The following BRINP3 variants were observed in gnomAD, a reference collection of about 807,000 sequenced individuals.
BRINP3 encodes the protein BMP/retinoic acid-inducible neural-specific protein 3.
Under a neutral mutation model 71.0 loss-of-function variants are expected in BRINP3, and 19 were observed. The ratio of observed to expected loss-of-function variants is 0.27; its 90% CI spans 0.19 to 0.39. The LOEUF is 0.39. BRINP3 is among the 10% of genes least tolerant of loss of function. BRINP3 has a pLI of 1.00. For synonymous variants in BRINP3, 380 were observed against 337.7 expected (o/e 1.13, Z -1.37); for missense variants, 959 against 940.8 (o/e 1.02, Z -0.25).
intron 7 of BRINP3, among the ~76,000 whole-genome samples, chr1:190,143,643 T>C (rs1462031728): frequency 6.6e-6 from 1 of 152,128 alleles, no homozygotes; most frequent in African/African-American, 2.4e-5. Context: ...ATTTAATGAC[T>C]AGCACTGCAT....
At chr1:190,245,206 T>C (rs1462507351) in intron 4 of BRINP3, among the ~76,000 whole-genome samples, 3 of 151,152 alleles carry the variant, frequency 2.0e-5, no homozygotes, top group Non-Finnish European at 4.4e-5. Flanking sequence ...ATTTCTTGTT[T>C]CAACTGGCCA....
intron 4 of BRINP3, among the ~76,000 whole-genome samples, chr1:190,255,035 G>GTT (rs202167773): frequency 4.6e-4 from 68 of 148,836 alleles, no homozygotes; most frequent in South Asian, 2.5e-3. Context: ...TAATCATGTG[G>GTT]TTTTTTTTTT....
chr1:190,210,603 A>T (rs1451497058), intron 6 of BRINP3, among the ~76,000 whole-genome samples: 1 of 152,130 alleles, frequency 6.6e-6, no homozygotes, highest in Non-Finnish European at 1.5e-5. Context: ...CAGGGCAGTC[A>T]TTCATGCTCT....
chr1:190,121,396 A>T (rs1653642390), intron 7 of BRINP3, among the ~76,000 whole-genome samples: 1 of 152,226 alleles, frequency 6.6e-6, no homozygotes, highest in Admixed American at 6.5e-5. Flanking sequence ...TACAATTAAG[A>T]AAAACAGCAC....
At chr1:190,220,174 T>C (rs967469433) in intron 6 of BRINP3, among the ~76,000 whole-genome samples, 7 of 151,760 alleles carry the variant, frequency 4.6e-5, no homozygotes, top group South Asian at 2.1e-4. Context: ...CTAAGATCAA[T>C]GAAAAAGAGA....
intron 2 of BRINP3, among the ~76,000 whole-genome samples, chr1:190,398,988 T>C (rs983759932): frequency 6.6e-6 from 1 of 152,034 alleles, no homozygotes; most frequent in Non-Finnish European, 1.5e-5. Context: ...ATGTCCATCA[T>C]TGGTCAGGTT....
intron 2 of BRINP3, among the ~76,000 whole-genome samples, chr1:190,365,526 TATA>T (rs1464076147): frequency 4.7e-5 from 7 of 148,062 alleles, no homozygotes; most frequent in African/African-American, 1.7e-4. Context: ...ATATTATAAT[TATA>T]ATGTGATGTA....
At chr1:190,362,604 C>T (rs747536109) in intron 2 of BRINP3, among the ~76,000 whole-genome samples, 1 of 152,118 alleles carries the variant, frequency 6.6e-6, no homozygotes, top group African/African-American at 2.4e-5. Flanking sequence ...TTGAATTGTA[C>T]CTCCCATAAT....
chr1:190,233,474 T>C (rs879807026), intron 5 of BRINP3, among the ~76,000 whole-genome samples: 4 of 152,086 alleles, frequency 2.6e-5, no homozygotes, highest in Non-Finnish European at 5.9e-5. Context: ...AGCCACCACG[T>C]GGGGACACTG....
At chr1:190,138,561 C>A (rs936447271) in intron 7 of BRINP3, among the ~76,000 whole-genome samples, 3 of 152,056 alleles carry the variant, frequency 2.0e-5, no homozygotes, top group African/African-American at 7.2e-5. Context: ...TTGTGCTTTG[C>A]CCTCTGTGTT....
intron 6 of BRINP3, among the ~76,000 whole-genome samples, chr1:190,188,785 A>T (rs1444466366): frequency 6.7e-6 from 1 of 149,272 alleles, no homozygotes; most frequent in African/African-American, 2.5e-5. Flanking sequence ...CACATGGTGG[A>T]GTCTTGCTCT....
intron 2 of BRINP3, among the ~76,000 whole-genome samples, chr1:190,434,093 G>T (rs1278545865): frequency 1.3e-5 from 2 of 151,316 alleles, no homozygotes; most frequent in African/African-American, 2.4e-5. Context: ...TTCACCTAAA[G>T]AAATGGTTAT....
rs529468811 is a variant in BRINP3 at position 190,357,883 on chromosome 1, A to G, written c.237-76133T>C. On this transcript the variant is annotated intron_variant, in intron 2 of 7. Coordinates refer to ENST00000367462, the MANE Select transcript of BRINP3 (RefSeq NM_199051.3). ...CATCTACAACCATCTGATCTTTGAC[A>G]AACCTGACAAAAACAAGAAATGGGG... Among the ~76,000 whole-genome samples, 27 of 152,138 alleles carry G rather than the reference A, an allele frequency of 1.8e-4. No homozygotes were observed. The East Asian group carries it at 5.0e-3, about 28-fold the overall frequency.
At chr1:190,175,726 CCTAT>C (rs980546634) in intron 6 of BRINP3, among the ~76,000 whole-genome samples, 6 of 152,312 alleles carry the variant, frequency 3.9e-5, no homozygotes, top group South Asian at 2.1e-4. Flanking sequence ...AAATCTGTCT[CCTAT>C]CTATCTATGT....
chr1:190,218,024 T>C (rs1262775136), intron 6 of BRINP3, among the ~76,000 whole-genome samples: 1 of 152,034 alleles, frequency 6.6e-6, no homozygotes, highest in East Asian at 1.9e-4. Flanking sequence ...GAGTATTTAG[T>C]TGCCAAAGTG....
intron 2 of BRINP3, among the ~76,000 whole-genome samples, chr1:190,310,796 G>C (rs887368113): frequency 6.6e-6 from 1 of 151,652 alleles, no homozygotes; most frequent in Non-Finnish European, 1.5e-5. Context: ...TTCAAAATCA[G>C]AGTCACTTAT....
chr1:190,222,979 TA>T (rs768816177), intron 6 of BRINP3, among the ~76,000 whole-genome samples: 51 of 147,776 alleles, frequency 3.5e-4, no homozygotes, highest in Admixed American at 6.7e-4. Flanking sequence ...AATGAAGAAA[TA>T]AAAAAAAAAT....
intron 4 of BRINP3, among the ~76,000 whole-genome samples, chr1:190,262,600 A>G (rs545645676): frequency 6.6e-6 from 1 of 152,184 alleles, no homozygotes; most frequent in East Asian, 1.9e-4. Context: ...CACACACTTT[A>G]AATCATTTTT....
intron 2 of BRINP3, among the ~76,000 whole-genome samples, chr1:190,331,656 A>G (rs1666972020): frequency 6.6e-6 from 1 of 152,034 alleles, no homozygotes; most frequent in African/African-American, 2.4e-5. Context: ...GAACTTCTCC[A>G]TAGGCTTTTC....
Sources: allele counts gnomAD v4.1 joint callset (sites outside exome capture counted in the v4.1 genomes callset), GRCh38; gene constraint gnomAD v4.1.1; transcripts MANE v1.5; gene names NCBI Gene and HGNC (gene_info 2026-07-23, HGNC 2026-07-21).